The following NSUN7 variants were observed in gnomAD, a reference collection of about 807,000 sequenced individuals.
NSUN7 encodes the protein protein NSUN7.
A neutral mutation model predicts 58.5 loss-of-function variants in NSUN7; 39 were observed. That is an observed-to-expected ratio of 0.67 (90% CI 0.52 to 0.87). The LOEUF is 0.87. NSUN7 is among the 40% of genes least tolerant of loss of function. The pLI is 0.00. For synonymous variants in NSUN7, 278 were observed against 303.7 expected, an observed-to-expected ratio of 0.92 and a Z score of 0.88; for missense variants, 765 against 844.1, an observed-to-expected ratio of 0.91 and a Z score of 1.16.
At chr4:40,774,244 G>A (rs1283098860) in intron 4 of NSUN7, 21 bp from the exon 5 acceptor site, 1 of 1,611,582 alleles carries the variant, frequency 6.2e-7, no homozygotes, top group Admixed American at 1.7e-5. Context: ...AATAGATTAA[G>A]GATGGATTTT....
At chr4:40,767,891 C>T (rs1361305061) in intron 4 of NSUN7, among the ~76,000 whole-genome samples, 20 of 152,216 alleles carry the variant, frequency 1.3e-4, no homozygotes. Flanking sequence ...ACTGTTGTAC[C>T]CCAGTACCCA....
chr4:40,759,056 T>TC (rs1741312793), intron 2 of NSUN7, among the ~76,000 whole-genome samples: 1 of 152,104 alleles, frequency 6.6e-6, no homozygotes, highest in East Asian at 1.9e-4. Context: ...ACGCCTCTAA[T>TC]CCCAGCACTT....
chr4:40,776,622 C>CTT, intron 7 of NSUN7: 3 of 168,270 alleles, frequency 1.8e-5, no homozygotes, highest in East Asian at 1.7e-4. Flanking sequence ...GAAGCTAAGT[C>CTT]TTTTTTTTTT....
intron 7 of NSUN7, among the ~76,000 whole-genome samples, chr4:40,783,930 T>C (rs1324866163): frequency 6.6e-6 from 1 of 150,938 alleles, no homozygotes; most frequent in Non-Finnish European, 1.5e-5. Flanking sequence ...ATTCAGAATA[T>C]ATAAACAACT....
chr4:40,797,083 G>A (rs764406568), intron 9 of NSUN7, among the ~76,000 whole-genome samples: 1 of 152,098 alleles, frequency 6.6e-6, no homozygotes. Flanking sequence ...AGAAGTGGTC[G>A]CTTCCTCTCC....
chr4:40,769,998 T>A (rs1741920199), intron 4 of NSUN7, among the ~76,000 whole-genome samples: 1 of 151,754 alleles, frequency 6.6e-6, no homozygotes, highest in Non-Finnish European at 1.5e-5. Context: ...TCTCCTGAGG[T>A]CGGGAGTTCG....
At chr4:40,793,366 C>T (rs558945287) in intron 8 of NSUN7, among the ~76,000 whole-genome samples, 10 of 152,176 alleles carry the variant, frequency 6.6e-5, no homozygotes, top group Non-Finnish European at 1.3e-4. Context: ...TGCTTGAACC[C>T]AGGAGGCAGA....
At position 40,775,072 on chromosome 4, in the gene NSUN7, G is replaced by T; in HGVS notation, c.825+122G>T. 2.1e-6 allele frequency: 1 copy of T among 481,574 alleles called. No homozygotes were observed. Among genetic ancestry groups the T allele is most frequent in the Non-Finnish European group, 3.7e-6 (1 of 271,856 alleles). 29.8% of individuals were successfully genotyped at this position (481,574 alleles called of 1,614,324 possible). On this transcript the variant is annotated intron_variant, in intron 6 of 11. Coordinates refer to ENST00000381782, the MANE Select transcript of NSUN7 (RefSeq NM_024677.6). The surrounding 1 kb of genome is among the most constrained non-coding windows in gnomAD (Gnocchi z 4.3). Reference sequence around the variant, plus strand: ...TATAGATTATCAGGGAGGTTTATAAGGCCTAATTGTCACCTTGAATAAAAT... The same window carrying T: ...TATAGATTATCAGGGAGGTTTATAATGCCTAATTGTCACCTTGAATAAAAT...
chr4:40,810,146 A>G lies in NSUN7; in HGVS notation c.*1207A>G, dbSNP rs1035527752. 6.6e-6 allele frequency: 1 copy of G among 152,250 alleles called. No homozygotes were observed. Among genetic ancestry groups the G allele is most frequent in the Non-Finnish European group, 1.5e-5 (1 of 68,046 alleles). The allele number at this position is 152,250 out of a possible 1,614,324, so 9.4% of individuals were successfully genotyped here. On this transcript the variant is annotated 3_prime_UTR_variant, in exon 12 of 12. Coordinates refer to ENST00000381782, the MANE Select transcript of NSUN7 (RefSeq NM_024677.6). ...GAATATTATCTTCTTCAAGATGAAT[A>G]CTTAGGTCTACTTCAGCTCTGATAT...
In NSUN7 at chr4:40,774,299, T is replaced by C; in HGVS notation, c.523T>C (p.Cys175Arg). 6.2e-7 allele frequency: 1 copy of C among 1,614,150 alleles called. No homozygotes were observed. Among genetic ancestry groups the C allele is most frequent in the Non-Finnish European group, 8.5e-7 (1 of 1,179,992 alleles). Residue 175 changes from cysteine (C) to arginine (R), a missense_variant, in exon 5 of 12, where the codon TGT becomes CGT. By Grantham distance (180) the Cys-to-Arg change is radical (BLOSUM62 -3). Transcript: ENST00000381782. ...AAAATTGGCTGCAGCATTGGCAAGA[T>C]GTCGAATCAAGCATGATGCCCTTTC... The part of the protein sequence containing the change: ...KIKLAAALAR[C>R]RIKHDALSIY...
At chr4:40,805,311 C>T (rs1239266880) in intron 10 of NSUN7, among the ~76,000 whole-genome samples, 4 of 152,156 alleles carry the variant, frequency 2.6e-5, no homozygotes, top group Non-Finnish European at 4.4e-5. Context: ...TCCAAACCCA[C>T]GCTTGTGTTT....
chr4:40,761,919 T>C (rs1009897736), intron 4 of NSUN7, among the ~76,000 whole-genome samples: 9 of 152,234 alleles, frequency 5.9e-5, no homozygotes, highest in Admixed American at 3.3e-4. Context: ...TACTGTTTGC[T>C]ATGGTTTGAA....
At chr4:40,792,718 C>G (rs921319773) in intron 8 of NSUN7, among the ~76,000 whole-genome samples, 6 of 151,978 alleles carry the variant, frequency 3.9e-5, no homozygotes, top group South Asian at 2.1e-4. Context: ...CGCCACTGCA[C>G]TCCAGCCTGG....
At chr4:40,806,889 A>C (rs1468118188) in intron 10 of NSUN7, among the ~76,000 whole-genome samples, 172 bp from the exon 11 acceptor site, 1 of 152,224 alleles carries the variant, frequency 6.6e-6, no homozygotes, top group African/African-American at 2.4e-5. Context: ...TAGAGCTTTT[A>C]ACTTATAATA....
intron 10 of NSUN7, among the ~76,000 whole-genome samples, chr4:40,799,249 C>T (rs995239657): frequency 2.0e-5 from 3 of 151,774 alleles, no homozygotes; most frequent in Admixed American, 2.0e-4. Context: ...CCACGCCAGG[C>T]TAATTTTTGT....
In NSUN7 at chr4:40,801,795, G is replaced by A. The variant is rs542637732; in HGVS notation, c.1400+2891G>A. Among the ~76,000 whole-genome samples the A allele has an allele frequency of 1.0e-3, 156 of 151,678 alleles. 1 individual carries two copies. Among genetic ancestry groups the A allele is most frequent in the African/African-American group, 3.6e-3 (149 of 41,350 alleles). ...TGTACTCCTGTAGTCCCAGCTATTC[G>A]GGAGGCTGAGGTGGGAAGATTGCTT... On this transcript the variant is annotated intron_variant, in intron 10 of 11. Transcript: ENST00000381782.
intron 7 of NSUN7, among the ~76,000 whole-genome samples, chr4:40,785,934 C>T (rs1170830288): frequency 6.6e-6 from 1 of 152,350 alleles, no homozygotes; most frequent in African/African-American, 2.4e-5. Context: ...CCATCGCCCA[C>T]GCCTCCCTGG....
rs531782672 is a variant in NSUN7 at position 40,773,991 on chromosome 4, T to G, written c.489-274T>G. ...TTTTGTATTTTTAGTAGAGATGGGGTTTCCCCAGGTTGGTCAGGCTGGTCT... is the reference window on the plus strand; with the variant it reads ...TTTTGTATTTTTAGTAGAGATGGGGGTTCCCCAGGTTGGTCAGGCTGGTCT... On this transcript the variant is annotated intron_variant, in intron 4 of 11. Coordinates refer to ENST00000381782, the MANE Select transcript of NSUN7 (RefSeq NM_024677.6). Among the ~76,000 whole-genome samples the G allele has an allele frequency of 1.3e-3, 200 of 152,176 alleles. 2 individuals carry two copies. The East Asian group carries it at 0.018, about 14-fold the overall frequency.
chr4:40,798,936 C>T, intron 10 of NSUN7, 32 bp downstream of exon 10: 1 of 1,085,872 alleles, frequency 9.2e-7, no homozygotes, highest in Non-Finnish European at 1.4e-6. Context: ...CTAAACAACT[C>T]AAACAAATAT....
Sources: gnomAD v4.1 joint callset for allele counts (sites outside exome capture counted in the v4.1 genomes callset) on GRCh38, gnomAD v4.1.1 for gene constraint, Gnocchi (gnomAD v3.1) non-coding constraint, MANE v1.5 for transcripts, NCBI Gene and HGNC (gene_info 2026-07-23, HGNC 2026-07-21) for gene names.